Variants in FLYWCH1 observed in about 807,000 individuals in gnomAD.
The protein encoded by FLYWCH1 is FLYWCH-type zinc finger-containing protein 1.
Under a neutral mutation model 66.4 loss-of-function variants are expected in FLYWCH1, and 75 were observed. That is an observed-to-expected ratio of 1.13 (90% confidence interval 0.94 to 1.37). The LOEUF is 1.37. Among genes scored for constraint, FLYWCH1 ranks in the 40% most tolerant of loss-of-function variants. The pLI, the probability that FLYWCH1 is intolerant of heterozygous loss-of-function variation, is 0.00. For missense variants in FLYWCH1, 1,334 were observed against 1,001.8 expected (o/e 1.33, Z -4.48); for synonymous variants, 595 against 429.9 (o/e 1.38, Z -4.75).
At chr16:2,917,836 G>T (rs1000240596) in intron 2 of FLYWCH1, among the ~76,000 whole-genome samples, 2 of 134,634 alleles carry the variant, frequency 1.5e-5, no homozygotes, top group Non-Finnish European at 3.1e-5. Flanking sequence ...CCAAAATCTG[G>T]AGTCTTTTCT....
rs987309157 is a variant in FLYWCH1 at position 2,938,084 on chromosome 16, C to T, written c.1778-100C>T. 1.2e-5 allele frequency: 15 copies of T among 1,224,878 alleles called. 1 individual carries two copies. The highest frequency in any genetic ancestry group is 2.8e-4 in the Middle Eastern group (1 of 3,558). The allele number at this position is 1,224,878 out of a possible 1,614,324, so 75.9% of individuals were successfully genotyped here. A position where few individuals can be genotyped will look rare whatever the true frequency, so the allele number is the denominator to read the frequency against. ...CACCGTGCAGCGTGCTAGGGGATCGCAGATTCCTGGTGGGGCCTGGCTGGG... is the reference window on the plus strand; with the variant it reads ...CACCGTGCAGCGTGCTAGGGGATCGTAGATTCCTGGTGGGGCCTGGCTGGG... On this transcript the variant is annotated intron_variant, in intron 7 of 9. Coordinates refer to ENST00000253928, the MANE Select transcript of FLYWCH1 (RefSeq NM_001308068.2).
intron 2 of FLYWCH1, among the ~76,000 whole-genome samples, chr16:2,915,790 C>T (rs1237132682): frequency 1.4e-5 from 2 of 146,826 alleles, no homozygotes; most frequent in Admixed American, 6.9e-5. Context: ...GAGCAAGACT[C>T]TGTGTCGAGA....
chr16:2,946,455 C>G (rs929280310), intron 9 of FLYWCH1, among the ~76,000 whole-genome samples: 1 of 151,008 alleles, frequency 6.6e-6, no homozygotes, highest in Admixed American at 6.7e-5. Flanking sequence ...CTGAGTAGCT[C>G]GGATTACAGG....
intron 3 of FLYWCH1, 146 bp from the exon 4 acceptor site, chr16:2,930,264 A>G (rs1479804291): frequency 5.8e-5 from 37 of 635,690 alleles, no homozygotes. Flanking sequence ...AATAAAAACC[A>G]GCCCTGAGAG....
chr16:2,944,027 T>G (rs2071378313), intron 9 of FLYWCH1, among the ~76,000 whole-genome samples: 1 of 151,996 alleles, frequency 6.6e-6, no homozygotes, highest in South Asian at 2.1e-4. Flanking sequence ...GCCTGGGAGG[T>G]TGAGGCTGCA....
intron 6 of FLYWCH1, among the ~76,000 whole-genome samples, chr16:2,934,358 T>C (rs2070907320): frequency 6.6e-6 from 1 of 152,178 alleles, no homozygotes; most frequent in South Asian, 2.1e-4. Flanking sequence ...TGGTTAAGGA[T>C]TGAGGAGGTG....
intron 8 of FLYWCH1, chr16:2,939,774 G>A (rs1238848319): frequency 9.9e-6 from 4 of 404,414 alleles, no homozygotes; most frequent in East Asian, 9.2e-5. Flanking sequence ...TTGTGCTGGA[G>A]GCCTGGCCTT....
chr16:2,925,582 G>GGA (rs1555483233), intron 2 of FLYWCH1, among the ~76,000 whole-genome samples: 1 of 67,458 alleles, frequency 1.5e-5, no homozygotes, highest in Non-Finnish European at 2.7e-5. Flanking sequence ...TGCGGGGGGA[G>GGA]GGGGGTACGG....
At chr16:2,942,651 A>AGCATCTGTACAGATCAGCCTTAACACG (rs59722912) in intron 9 of FLYWCH1, among the ~76,000 whole-genome samples, 89,154 of 151,168 alleles carry the variant, frequency 0.59, 27,034 homozygotes, top group African/African-American at 0.73. Flanking sequence ...AATGTAACAC[A>AGCATCTGTACAGATCAGCCTTAACACG]GCAGGCCTGA....
chr16:2,929,857 A>T lies in FLYWCH1; in HGVS notation c.172A>T (p.Lys58Ter), dbSNP rs2070699645. Residue 58 changes from lysine (K) to a stop codon, truncating the protein, a stop_gained, in exon 3 of 10, where the codon AAG becomes TAG. Transcript: ENST00000253928. LOFTEE classifies it high-confidence loss of function. ...CCAAGATGAGGATGGGGTGGGATCC[A>T]AGCCCCAGGAAGTGCACTGCGTCCT... is the stretch of plus-strand genomic sequence containing the variant. The part of the protein sequence containing the change: ...SDQDEDGVGS[K>*]PQEVHCVLSL... 1.2e-6 allele frequency: 2 copies of T among 1,613,804 alleles called. No homozygotes were observed. Among genetic ancestry groups the T allele is most frequent in the Non-Finnish European group, 1.7e-6 (2 of 1,179,880 alleles).
chr16:2,937,237 G>A lies in FLYWCH1; in HGVS notation c.1630G>A (p.Ala544Thr). ...GGTGTATTGGACCTGCCGGGACCAG[G>A]CCCGCATGGGCTGCCGCAGCCGCGC... ...EKVYWTCRDQ[A>T]RMGCRSRAIT... The change falls in exon 7 of 10, where the codon GCC becomes ACC. Residue 544 changes from alanine (A) to threonine (T), a missense_variant. Transcript: ENST00000253928. The A allele has an allele frequency of 6.2e-7, 1 of 1,605,712 alleles. No individual in the cohort carries two copies. The highest frequency in any genetic ancestry group is 8.5e-7 in the Non-Finnish European group (1 of 1,177,444).
rs563631527 is a variant in FLYWCH1, at chr16:2,933,504, C to T, written c.1171C>T (p.Arg391Ter). ...TCTCACCAGGCCTCGGCCCAGAAAG[C>T]GAGCAAAGGTCGAAGACCAGGAGCT... ...LTLTRPRPRK[R>*]AKVEDQELPT... The change falls in exon 5 of 10, where the codon CGA becomes TGA. Residue 391 changes from arginine to a stop codon, truncating the protein, a stop_gained. Coordinates refer to ENST00000253928, the MANE Select transcript of FLYWCH1 (RefSeq NM_001308068.2). LOFTEE classifies it high-confidence loss of function. 5.0e-6 allele frequency: 8 copies of T among 1,611,500 alleles called. No individual in the cohort carries two copies. Among genetic ancestry groups the T allele is most frequent in the East Asian group, 2.2e-5 (1 of 44,792 alleles).
rs1391406461 is a variant in FLYWCH1, at chr16:2,938,337, T to C, written c.1931T>C (p.Ile644Thr). The C allele has an allele frequency of 6.2e-7, 1 of 1,606,350 alleles. No homozygotes were observed. Among genetic ancestry groups the C allele is most frequent in the Non-Finnish European group, 8.5e-7 (1 of 1,176,194 alleles). ...CGGCTGGGCTGCCGCAGCCGCGCCATAACCCAGGGCCACCGCATCATGGTC... is the reference window on the plus strand; with the variant it reads ...CGGCTGGGCTGCCGCAGCCGCGCCACAACCCAGGGCCACCGCATCATGGTC... The part of the protein sequence containing the change: ...QARLGCRSRA[I>T]TQGHRIMVMR... Residue 644 changes from isoleucine to threonine, a missense_variant, in exon 8 of 10, where the codon ATA (isoleucine) becomes ACA (threonine). Ile to Thr is a moderately conservative substitution (Grantham distance 89). Transcript: ENST00000253928.
intron 2 of FLYWCH1, 125 bp from the exon 3 acceptor site, chr16:2,929,488 C>T: frequency 8.9e-6 from 6 of 676,818 alleles, no homozygotes; most frequent in South Asian, 6.0e-5. Context: ...TTCCATCAGG[C>T]CCCCGGCCAG....
At chr16:2,946,316 C>CTTTTTTTTTT (rs58279573) in intron 9 of FLYWCH1, among the ~76,000 whole-genome samples, 1 of 75,548 alleles carries the variant, frequency 1.3e-5, no homozygotes, top group African/African-American at 5.7e-5. Flanking sequence ...GTGGGCTGTA[C>CTTTTTTTTTT]TTTTTTTTTT....
chr16:2,922,795 C>G (rs2070420371), intron 2 of FLYWCH1: 4 of 522,568 alleles, frequency 7.7e-6, no homozygotes, highest in Admixed American at 3.9e-5. Flanking sequence ...TCTTCACAGC[C>G]TGTTTGAGCT....
rs1235259961 is a variant in FLYWCH1, at chr16:2,929,723, G to C, written c.38G>C (p.Ser13Thr). 1 of 1,613,446 alleles carries C rather than the reference G, an allele frequency of 6.2e-7. No homozygotes were observed. The highest frequency in any genetic ancestry group is 1.7e-5 in the Admixed American group (1 of 59,984). Residue 13 changes from serine (S) to threonine (T), a missense_variant, in exon 3 of 10, where the codon AGT becomes ACT. Coordinates refer to ENST00000253928, the MANE Select transcript of FLYWCH1 (RefSeq NM_001308068.2). ...LPEPSEQEGE[S>T]VKAGQEPSPK... is the part of the protein sequence containing the mutation. Reference sequence around the variant, plus strand: ...GAGCCCAGCGAGCAGGAGGGCGAGAGTGTGAAGGCCGGCCAGGAGCCATCC... The same window carrying C: ...GAGCCCAGCGAGCAGGAGGGCGAGACTGTGAAGGCCGGCCAGGAGCCATCC...
chr16:2,944,049 T>A (rs1256350405), intron 9 of FLYWCH1, among the ~76,000 whole-genome samples: 1 of 151,984 alleles, frequency 6.6e-6, no homozygotes, highest in African/African-American at 2.4e-5. Flanking sequence ...TGAGCTGTGA[T>A]CATGCATCTA....
intron 9 of FLYWCH1, among the ~76,000 whole-genome samples, chr16:2,946,316 C>CTTTTTTTTTTTTTT (rs58279573): frequency 2.6e-5 from 2 of 75,532 alleles, no homozygotes; most frequent in African/African-American, 5.7e-5. Flanking sequence ...GTGGGCTGTA[C>CTTTTTTTTTTTTTT]TTTTTTTTTT....
Sources: allele counts gnomAD v4.1 joint callset (sites outside exome capture counted in the v4.1 genomes callset), GRCh38; gene constraint gnomAD v4.1.1; transcripts MANE v1.5; gene names NCBI Gene and HGNC (gene_info 2026-07-23, HGNC 2026-07-21).